Variants in LIN54 observed in about 807,000 individuals in gnomAD.
The protein encoded by LIN54 is lin-54 DREAM MuvB core complex component.
LIN54 carries 9 observed loss-of-function variants against 78.7 expected under a neutral mutation model. That is an observed-to-expected ratio of 0.11 (90% confidence interval 0.07 to 0.20). The LOEUF (loss-of-function observed/expected upper bound fraction) is 0.20, where lower values mean the gene tolerates loss of function less well. Ranked by LOEUF, LIN54 falls within the 10% of genes least tolerant of loss-of-function variation. LIN54 has a pLI of 1.00. For synonymous variants in LIN54, 269 were observed against 318.4 expected (o/e 0.84, Z 1.65); for missense variants, 573 against 889.9 (o/e 0.64, Z 4.53).
At chr4:82,933,709 A>G (rs1722155990) in intron 11 of LIN54, among the ~76,000 whole-genome samples, 2 of 152,244 alleles carry the variant, frequency 1.3e-5, no homozygotes, top group Admixed American at 1.3e-4. Context: ...TAGACAGTGT[A>G]TCTGTCCCGA....
At chr4:82,952,719 C>T (rs905960215) in intron 4 of LIN54, among the ~76,000 whole-genome samples, 2 of 152,166 alleles carry the variant, frequency 1.3e-5, no homozygotes, top group African/African-American at 2.4e-5. Context: ...CAAGTGTCCA[C>T]AGACAGATGA....
At chr4:82,986,461 T>TGGCAGATCACGAGGTA (rs1395424687) in intron 1 of LIN54, among the ~76,000 whole-genome samples, 2 of 152,048 alleles carry the variant, frequency 1.3e-5, no homozygotes, top group African/African-American at 4.8e-5. Context: ...CTGGGCATTC[T>TGGCAGATCACGAGGTA]GGCAGATCAC....
At chr4:82,974,167 A>T (rs373142181) in intron 3 of LIN54, among the ~76,000 whole-genome samples, 11 of 151,344 alleles carry the variant, frequency 7.3e-5, no homozygotes, top group South Asian at 6.3e-4. Context: ...CCGAGATCGC[A>T]CCACTGCACT....
At chr4:82,942,659 T>A (rs1186990764) in intron 5 of LIN54, among the ~76,000 whole-genome samples, 1 of 152,102 alleles carries the variant, frequency 6.6e-6, no homozygotes, top group Non-Finnish European at 1.5e-5. Flanking sequence ...CACCACCTGC[T>A]CCTGGGAGAG....
rs1244319221 is a variant in LIN54, at chr4:82,927,721, TGGG to T, written c.*378_*380del. 6.0e-6 allele frequency: 1 copy of T among 165,628 alleles called. No homozygotes were observed. The highest frequency in any genetic ancestry group is 2.4e-5 in the African/African-American group (1 of 41,792). 10.3% of individuals were successfully genotyped at this position (165,628 alleles called of 1,614,324 possible). Reference sequence around the variant, plus strand: ...ATATTCTAGATCAAGTCCCAAAGAATGGGTGCTAACCACTGCTGCTTTGGCTTT... The same window carrying T: ...ATATTCTAGATCAAGTCCCAAAGAATTGCTAACCACTGCTGCTTTGGCTTT... On this transcript the variant is annotated 3_prime_UTR_variant, in exon 13 of 13. Transcript: ENST00000340417.
intron 4 of LIN54, among the ~76,000 whole-genome samples, chr4:82,949,478 CCT>C (rs1228455891): frequency 2.6e-5 from 4 of 152,172 alleles, no homozygotes; most frequent in Non-Finnish European, 4.4e-5. Flanking sequence ...CTCATTGCAA[CCT>C]CTGTCTCCTG....
At chr4:82,936,437 T>C (rs1009466184) in intron 9 of LIN54, 56 bp from the exon 10 acceptor site, 3 of 846,638 alleles carry the variant, frequency 3.5e-6, no homozygotes, top group Non-Finnish European at 5.7e-6. Flanking sequence ...AAACTAATTA[T>C]CTGATTATGC....
At chr4:82,942,690 A>C (rs867209997) in intron 5 of LIN54, among the ~76,000 whole-genome samples, 84 of 152,242 alleles carry the variant, frequency 5.5e-4, no homozygotes, top group African/African-American at 1.9e-3. Context: ...CTGTTCCATG[A>C]GCACAGTGCA....
At chr4:83,010,917 C>A, upstream of LIN54, 1 of 1,027,632 alleles carries the variant, frequency 9.7e-7, no homozygotes, top group Non-Finnish European at 1.2e-6. Flanking sequence ...CCCCGCCAAC[C>A]TTCAAACGCA....
chr4:82,993,029 G>GAAAAAA (rs35355547), intron 1 of LIN54, among the ~76,000 whole-genome samples: 1 of 101,132 alleles, frequency 9.9e-6, no homozygotes, highest in African/African-American at 3.7e-5. Flanking sequence ...CTCTGTCTCA[G>GAAAAAA]AAAAAAAAAA....
chr4:82,955,421 T>C (rs1404744755), intron 4 of LIN54, among the ~76,000 whole-genome samples: 1 of 150,660 alleles, frequency 6.6e-6, no homozygotes, highest in African/African-American at 2.5e-5. Flanking sequence ...TAACATAACA[T>C]AATGAACAGA....
intron 5 of LIN54, 33 bp downstream of exon 5, chr4:82,946,225 A>C: frequency 4.0e-6 from 6 of 1,509,402 alleles, no homozygotes; most frequent in Non-Finnish European, 5.5e-6. Flanking sequence ...TGTTAAAAGC[A>C]TGAATTACTG....
At chr4:83,000,566 C>A (rs1318019445) in intron 1 of LIN54, among the ~76,000 whole-genome samples, 1 of 152,130 alleles carries the variant, frequency 6.6e-6, no homozygotes. Context: ...GGACAATGCT[C>A]CCAGCCACTC....
intron 4 of LIN54, among the ~76,000 whole-genome samples, chr4:82,966,271 G>GC (rs1725193447): frequency 1.3e-5 from 2 of 152,042 alleles, no homozygotes; most frequent in African/African-American, 4.8e-5. Flanking sequence ...ACATCTCTCT[G>GC]CCCAAGCCTA....
At chr4:82,990,881 T>G (rs1181647573) in intron 1 of LIN54, among the ~76,000 whole-genome samples, 1 of 152,154 alleles carries the variant, frequency 6.6e-6, no homozygotes, top group African/African-American at 2.4e-5. Context: ...AAATCTGCCC[T>G]TTGCTACAGA....
chr4:82,929,794 A>G (rs1435238162), intron 12 of LIN54, among the ~76,000 whole-genome samples: 1 of 152,130 alleles, frequency 6.6e-6, no homozygotes, highest in Non-Finnish European at 1.5e-5. Context: ...CAACAGAGTG[A>G]GACTCTATCT....
chr4:82,973,985 T>C (rs557165888), intron 3 of LIN54, among the ~76,000 whole-genome samples: 36 of 150,670 alleles, frequency 2.4e-4, no homozygotes, highest in Admixed American at 4.0e-4. Flanking sequence ...ACAAGGAGGG[T>C]GGATCACGAG....
In LIN54 at chr4:82,984,652, G is replaced by C; in HGVS notation, c.193C>G (p.Pro65Ala). The change falls in exon 2 of 13, where the codon CCA becomes GCA. Residue 65 changes from proline to alanine, a missense_variant. By Grantham distance (27) the Pro-to-Ala change is conservative. Coordinates refer to ENST00000340417, the MANE Select transcript of LIN54 (RefSeq NM_194282.4). ...DSTATPISTE[P>A]ITVYSNHTNQ... The stretch of plus-strand genomic sequence containing the variant: ...GTGTGGTTACTGTACACTGTGATTG[G>C]TTCCGTGGAAATGGGCGTGGCTGTA... The C allele has an allele frequency of 6.2e-7, 1 of 1,614,122 alleles. No individual in the cohort carries two copies. Among genetic ancestry groups the C allele is most frequent in the Non-Finnish European group, 8.5e-7 (1 of 1,180,006 alleles).
rs1721578545 is a variant in LIN54, at chr4:82,927,549, C to T, written c.*553G>A. On this transcript the variant is annotated 3_prime_UTR_variant, in exon 13 of 13. Coordinates refer to ENST00000340417, the MANE Select transcript of LIN54 (RefSeq NM_194282.4). ...GTGTGCCTGGGGATTGTTTCCCCTTCTGACATTCCCAAAGTGACAACAGGA... is the reference window on the plus strand; with the variant it reads ...GTGTGCCTGGGGATTGTTTCCCCTTTTGACATTCCCAAAGTGACAACAGGA... 1.3e-5 allele frequency: 2 copies of T among 152,442 alleles called. No homozygotes were observed. The highest frequency in any genetic ancestry group is 3.9e-4 in the East Asian group (2 of 5,192). 9.4% of individuals were successfully genotyped at this position (152,442 alleles called of 1,614,324 possible). A position where few individuals can be genotyped will look rare whatever the true frequency, so the allele number is the denominator to read the frequency against.
Sources: gnomAD v4.1 joint callset for allele counts (sites outside exome capture counted in the v4.1 genomes callset) on GRCh38, gnomAD v4.1.1 for gene constraint, MANE v1.5 for transcripts, NCBI Gene and HGNC (gene_info 2026-07-23, HGNC 2026-07-21) for gene names.